The following CAPS2 variants were observed in gnomAD, a reference collection of about 807,000 sequenced individuals.
The protein encoded by CAPS2 is calcyphosine 2, also known as calcyphosin-2.
In CAPS2, 98 loss-of-function variants were observed where a neutral mutation model predicts 86.5. The ratio of observed to expected loss-of-function variants is 1.13; its 90% CI spans 0.96 to 1.34. The LOEUF (loss-of-function observed/expected upper bound fraction) is 1.34. Among genes scored for constraint, CAPS2 ranks in the 40% most tolerant of loss-of-function variants. The pLI, the probability that CAPS2 is intolerant of heterozygous loss-of-function variation, is 0.00. For missense variants in CAPS2, 729 were observed against 686.8 expected (o/e 1.06, Z -0.69); for synonymous variants, 210 against 225.1 (o/e 0.93, Z 0.60).
At chr12:75,330,408 C>T (rs924260184), upstream of CAPS2, among the ~76,000 whole-genome samples, 1 of 152,224 alleles carries the variant, frequency 6.6e-6, no homozygotes, top group Non-Finnish European at 1.5e-5. Context: ...GGGCCAAAGC[C>T]CGGCCCGGAT....
At chr12:75,300,271 T>C (rs373426041) in intron 8 of CAPS2, among the ~76,000 whole-genome samples, 116 of 152,160 alleles carry the variant, frequency 7.6e-4, no homozygotes, top group Middle Eastern at 3.4e-3. Flanking sequence ...AATTTGCTCT[T>C]AGCGGCCGGG....
chr12:75,296,959 C>A (rs2037007594), intron 11 of CAPS2, among the ~76,000 whole-genome samples: 1 of 152,212 alleles, frequency 6.6e-6, no homozygotes, highest in South Asian at 2.1e-4. Flanking sequence ...ATGTGAACCT[C>A]TTTTGATATC....
chr12:75,279,207 C>T (rs1037889976), intron 16 of CAPS2, 142 bp from the exon 17 acceptor site: 7 of 758,532 alleles, frequency 9.2e-6, no homozygotes, highest in Non-Finnish European at 1.4e-5. Context: ...AATTTATTTA[C>T]ACATGAACTG....
chr12:75,382,855 G>T (rs1042902070), intron 1 of CAPS2, among the ~76,000 whole-genome samples: 2 of 152,138 alleles, frequency 1.3e-5, no homozygotes, highest in African/African-American at 4.8e-5. Context: ...ATAAGTAGCA[G>T]AATTTAAATA....
intron 1 of CAPS2, among the ~76,000 whole-genome samples, chr12:75,389,994 A>G (rs2045493557): frequency 1.3e-5 from 2 of 152,226 alleles, no homozygotes; most frequent in Admixed American, 1.3e-4. Context: ...AATTGTGTGC[A>G]TCACAGACAA....
chr12:75,313,510 A>C (rs1189806396), intron 6 of CAPS2, among the ~76,000 whole-genome samples: 5 of 152,238 alleles, frequency 3.3e-5, no homozygotes, highest in Non-Finnish European at 5.9e-5. Context: ...CTTTCTTAAT[A>C]CTATTTTTCA....
chr12:75,321,351 G>C (rs780044222), intron 5 of CAPS2, 49 bp downstream of exon 5: 2 of 1,141,042 alleles, frequency 1.8e-6, no homozygotes. Context: ...TGTAATATGT[G>C]CAGTTTTCTT....
Position 75,291,732 on chromosome 12 carries a change from A to C in CAPS2, c.1240+12T>G. On this transcript the variant is annotated intron_variant, in intron 13 of 16. Coordinates refer to ENST00000393284, the Ensembl canonical transcript of CAPS2. The stretch of plus-strand genomic sequence containing the variant: ...AATTCAAAGTACTTGAGAGTACAGT[A>C]ATAACACATACCTTGAATTGCTTTG... 1 of 1,485,282 alleles carries C rather than the reference A, an allele frequency of 6.7e-7. No individual in the cohort carries two copies. The highest frequency in any genetic ancestry group is 1.8e-4 in the Middle Eastern group (1 of 5,558). 92.0% of individuals were successfully genotyped at this position (1,485,282 alleles called of 1,614,324 possible). A position where few individuals can be genotyped will look rare whatever the true frequency, so the allele number is the denominator to read the frequency against.
intron 1 of CAPS2, among the ~76,000 whole-genome samples, chr12:75,351,596 G>A (rs2042819178): frequency 6.6e-6 from 1 of 151,730 alleles, no homozygotes; most frequent in Admixed American, 6.6e-5. Flanking sequence ...ACCCAAGGTG[G>A]AGTGTACTGG....
chr12:75,291,674 A>G, intron 13 of CAPS2, 70 bp downstream of exon 13: 2 of 603,300 alleles, frequency 3.3e-6, no homozygotes, highest in East Asian at 3.6e-5. Flanking sequence ...ATCTGGGAAA[A>G]TGCTGTTTTA....
At chr12:75,351,082 TGGAA>T (rs2042777642) in intron 1 of CAPS2, among the ~76,000 whole-genome samples, 1 of 151,792 alleles carries the variant, frequency 6.6e-6, no homozygotes, top group Admixed American at 6.6e-5. Context: ...ACAGACCAAG[TGGAA>T]GAAAGGATAT....
At chr12:75,307,963 A>C (rs555572585) in intron 7 of CAPS2, among the ~76,000 whole-genome samples, 10 of 152,302 alleles carry the variant, frequency 6.6e-5, no homozygotes, top group Admixed American at 2.6e-4. Flanking sequence ...GGAAAATCCC[A>C]ACTTTCCACA....
chr12:75,320,712 T>C (rs1173286007), intron 5 of CAPS2, among the ~76,000 whole-genome samples: 2 of 151,860 alleles, frequency 1.3e-5, no homozygotes, highest in Non-Finnish European at 2.9e-5. Flanking sequence ...TTATAGAAAG[T>C]TAACTGAATT....
At chr12:75,296,257 C>T (rs923674340) in intron 11 of CAPS2, among the ~76,000 whole-genome samples, 3 of 151,748 alleles carry the variant, frequency 2.0e-5, no homozygotes, top group African/African-American at 7.3e-5. Flanking sequence ...TGTGTCAGTG[C>T]ATATATGCGT....
Position 75,293,492 on chromosome 12 carries a change from T to C in CAPS2, c.1045-125A>G, listed in dbSNP as rs373323075. 74 of 677,530 alleles carry C rather than the reference T, an allele frequency of 1.1e-4. No homozygotes were observed. The East Asian group carries it at 1.4e-3, about 13-fold the overall frequency. 42.0% of individuals were successfully genotyped at this position (677,530 alleles called of 1,614,324 possible). On this transcript the variant is annotated intron_variant, in intron 11 of 16. Coordinates refer to ENST00000393284, the Ensembl canonical transcript of CAPS2. ...TATACTTTAACAAGGGTAAGAAGTA[T>C]ATTTGGAGAATGCTTATATGTATTT...
In CAPS2 at chr12:75,321,395, A is replaced by G; in HGVS notation, c.468+5T>C. On this transcript the variant is annotated splice_donor_5th_base_variant and intron_variant, in intron 5 of 16. Coordinates refer to ENST00000393284, the Ensembl canonical transcript of CAPS2. ...ATTAGAATTTTTTAAAGCCTCATAC[A>G]TTACCTTTTCATCTATCTTGTTTCT... 1 of 1,520,332 alleles carries G rather than the reference A, an allele frequency of 6.6e-7. No homozygotes were observed. 94.2% of individuals were successfully genotyped at this position (1,520,332 alleles called of 1,614,324 possible).
chr12:75,340,885 G>A (rs112509906), intron 1 of CAPS2, among the ~76,000 whole-genome samples: 23 of 151,754 alleles, frequency 1.5e-4, no homozygotes, highest in Non-Finnish European at 2.8e-4. Context: ...GACATATCAC[G>A]ACACACCAAT....
chr12:75,282,802 C>A (rs1269724741), intron 15 of CAPS2, among the ~76,000 whole-genome samples: 1 of 152,086 alleles, frequency 6.6e-6, no homozygotes, highest in Non-Finnish European at 1.5e-5. Flanking sequence ...TACTGATACA[C>A]AAAAGAACAA....
At chr12:75,308,482 T>C (rs746637049) in intron 7 of CAPS2, among the ~76,000 whole-genome samples, 4 of 152,202 alleles carry the variant, frequency 2.6e-5, no homozygotes, top group Non-Finnish European at 5.9e-5. Flanking sequence ...TTAATAAATC[T>C]CTGCTTTTGT....
Sources: gnomAD v4.1 joint callset for allele counts (sites outside exome capture counted in the v4.1 genomes callset) on GRCh38, gnomAD v4.1.1 for gene constraint, MANE v1.5 for transcripts, NCBI Gene and HGNC (gene_info 2026-07-23, HGNC 2026-07-21) for gene names.